The following LANCL1 variants were observed in gnomAD, a reference collection of about 807,000 sequenced individuals.
LANCL1 encodes glutathione S-transferase LANCL1.
LANCL1 carries 50 observed loss-of-function variants against 50.6 expected under a neutral mutation model. The observed-to-expected ratio is 0.99, with a 90% CI of 0.79 to 1.25. The LOEUF (loss-of-function observed/expected upper bound fraction) is 1.25, where lower values mean the gene tolerates loss of function less well. Ranked by LOEUF, LANCL1 falls within the 50% of genes most tolerant of loss-of-function variation. The pLI is 0.00. For synonymous variants in LANCL1, 188 were observed against 178.6 expected, an observed-to-expected ratio of 1.05 and a Z score of -0.42; for missense variants, 532 against 480.7, an observed-to-expected ratio of 1.11 and a Z score of -1.00.
chr2:210,477,498 G>T (rs987176801), upstream of LANCL1: 1 of 1,276,076 alleles, frequency 7.8e-7, no homozygotes, highest in Non-Finnish European at 9.9e-7. Context: ...TTGGAGTTCA[G>T]TTAAAAAGTC....
Position 210,466,151 on chromosome 2 carries a change from T to G in LANCL1, c.199+5808A>C, listed in dbSNP as rs955370861. On this transcript the variant is annotated intron_variant, in intron 3 of 9. Coordinates refer to ENST00000450366, the MANE Select transcript of LANCL1 (RefSeq NM_006055.3). ...AGGGAAATATCTTGCCAGTAGGGAC[T>G]GCCTTTTAAAGTTTTTTCAATAGTG... 3.9e-5 allele frequency among the ~76,000 whole-genome samples: 6 copies of G among 152,174 alleles called. No individual in the cohort carries two copies. In the South Asian group the frequency reaches 1.2e-3, roughly 32 times the overall value.
intron 3 of LANCL1, among the ~76,000 whole-genome samples, chr2:210,458,192 C>T (rs1471430970): frequency 6.6e-6 from 1 of 152,058 alleles, no homozygotes; most frequent in Non-Finnish European, 1.5e-5. Context: ...GTGAAGCTGC[C>T]ACACCAGTCC....
At position 210,431,545 on chromosome 2, in the gene LANCL1, A is replaced by G. The variant is rs1692746269; in HGVS notation, c.*2942T>C. On this transcript the variant is annotated 3_prime_UTR_variant, in exon 10 of 10. Coordinates refer to ENST00000450366, the MANE Select transcript of LANCL1 (RefSeq NM_006055.3). ...CTAGCAGCCAAAGGAGTATACATGT[A>G]AATAGTCACTCTTCACATTTTCTAT... The G allele has an allele frequency of 6.6e-6, 1 of 152,228 alleles. No homozygotes were observed. The highest frequency in any genetic ancestry group is 2.4e-5 in the African/African-American group (1 of 41,460). The allele number at this position is 152,228 out of a possible 1,614,324, so 9.4% of individuals were successfully genotyped here.
At chr2:210,453,031 A>C (rs2105905853) in intron 4 of LANCL1, among the ~76,000 whole-genome samples, 1 of 152,312 alleles carries the variant, frequency 6.6e-6, no homozygotes, top group East Asian at 1.9e-4. Flanking sequence ...AAACTCCGTA[A>C]CTTACAAATC....
Position 210,437,728 on chromosome 2 carries a change from C to T in LANCL1, c.835G>A (p.Ala279Thr), listed in dbSNP as rs149749262. ...RDLLVHWCHGAPGVIYMLIQA... is the reference protein window; with the variant it reads ...RDLLVHWCHGTPGVIYMLIQA... ...ATGAGCATGTAGATTACCCCAGGGGCGCCATGGCACCAATGGACAAGCAGA... is the reference window on the plus strand; with the variant it reads ...ATGAGCATGTAGATTACCCCAGGGGTGCCATGGCACCAATGGACAAGCAGA... Residue 279 changes from alanine (A) to threonine (T), a missense_variant, in exon 7 of 10, where the codon GCC (alanine) becomes ACC (threonine). Transcript: ENST00000450366. 6.8e-4 allele frequency: 1,102 copies of T among 1,609,858 alleles called. No homozygotes were observed. The highest frequency in any genetic ancestry group is 8.8e-4 in the Non-Finnish European group (1,033 of 1,178,142).
chr2:210,453,095 C>G (rs1046950319), intron 4 of LANCL1, among the ~76,000 whole-genome samples: 2 of 152,066 alleles, frequency 1.3e-5, no homozygotes, highest in Non-Finnish European at 2.9e-5. Context: ...TGAAAAAAAT[C>G]AAAGCTATAG....
intron 3 of LANCL1, among the ~76,000 whole-genome samples, chr2:210,461,363 CAAATT>C (rs1011756830): frequency 7.4e-6 from 1 of 135,068 alleles, no homozygotes; most frequent in Non-Finnish European, 1.7e-5. Context: ...GGCCAGGGCT[CAAATT>C]AAACACTGAA....
At chr2:210,446,011 G>A (rs777810130) in intron 4 of LANCL1, among the ~76,000 whole-genome samples, 14 of 152,230 alleles carry the variant, frequency 9.2e-5, no homozygotes, top group Non-Finnish European at 1.6e-4. Flanking sequence ...GCACCTGGGG[G>A]AAGGGGTGGC....
intron 3 of LANCL1, among the ~76,000 whole-genome samples, chr2:210,467,533 T>C (rs528574675): frequency 6.6e-6 from 1 of 152,354 alleles, no homozygotes; most frequent in East Asian, 1.9e-4. Context: ...CATTTTCTTT[T>C]TTCTACCTTA....
Position 210,437,741 on chromosome 2 carries a change from A to G in LANCL1, c.822T>C (p.His274=), listed in dbSNP as rs568536100. 9.3e-6 allele frequency: 15 copies of G among 1,611,732 alleles called. No homozygotes were observed. In the South Asian group the frequency reaches 1.2e-4, roughly 13 times the overall value. Residue 274 remains histidine (H), a synonymous_variant, in exon 7 of 10, where the codon CAT becomes CAC. Transcript: ENST00000450366. ...CIGDNRDLLV[H]WCHGAPGVIY... is the part of the protein sequence containing the mutation. Reference sequence around the variant, plus strand: ...TTACCCCAGGGGCGCCATGGCACCAATGGACAAGCAGATCTCGATTATCAC... The same window carrying G: ...TTACCCCAGGGGCGCCATGGCACCAGTGGACAAGCAGATCTCGATTATCAC...
chr2:210,476,653 C>G lies in LANCL1; in HGVS notation c.-50G>C, dbSNP rs1032158505. ...AGAGGCCCCGTTTTGCAACCCCGTT[C>G]CCACGCCCGCGACTTGAAGCAAGTG... On this transcript the variant is annotated 5_prime_UTR_variant, in exon 1 of 10. Coordinates refer to ENST00000450366, the MANE Select transcript of LANCL1 (RefSeq NM_006055.3). The G allele has an allele frequency of 2.4e-6, 3 of 1,247,360 alleles. No homozygotes were observed. The highest frequency in any genetic ancestry group is 3.1e-5 in the African/African-American group (2 of 64,920). The allele number at this position is 1,247,360 out of a possible 1,614,324, so 77.3% of individuals were successfully genotyped here.
intron 4 of LANCL1, among the ~76,000 whole-genome samples, chr2:210,441,908 ATT>A (rs35332921): frequency 2.0e-3 from 293 of 143,240 alleles, no homozygotes; most frequent in African/African-American, 6.1e-3. Flanking sequence ...ATACATGTAC[ATT>A]TTTTTTTTTT....
At chr2:210,444,759 AT>A (rs1332670287) in intron 4 of LANCL1, among the ~76,000 whole-genome samples, 1 of 151,990 alleles carries the variant, frequency 6.6e-6, no homozygotes, top group African/African-American at 2.4e-5. Context: ...CTTCTAATAC[AT>A]TTTCTTGTAT....
intron 3 of LANCL1, 64 bp downstream of exon 3, chr2:210,471,895 C>A: frequency 8.8e-7 from 1 of 1,134,954 alleles, no homozygotes; most frequent in South Asian, 1.2e-5. Context: ...ACAGACAGCT[C>A]TCGGAAAAAT....
chr2:210,437,971 T>TG (rs1692993333), intron 6 of LANCL1, 99 bp from the exon 7 acceptor site: 1 of 773,924 alleles, frequency 1.3e-6, no homozygotes. Context: ...TAAGGGGAAA[T>TG]GGAAGGTCAT....
chr2:210,440,579 C>T lies in LANCL1; in HGVS notation c.690+19G>A. On this transcript the variant is annotated intron_variant, in intron 6 of 9. Transcript: ENST00000450366. ...GGTCAGGAAGGACATTTTAAAATTT[C>T]ACCATAATCACTCCTTACCTGCATC... 1 of 1,596,256 alleles carries T rather than the reference C, an allele frequency of 6.3e-7. No individual in the cohort carries two copies. The highest frequency in any genetic ancestry group is 1.1e-5 in the South Asian group (1 of 87,710).
intron 2 of LANCL1, among the ~76,000 whole-genome samples, chr2:210,475,409 C>T (rs2105932282): frequency 1.3e-5 from 2 of 152,280 alleles, no homozygotes; most frequent in African/African-American, 4.8e-5. Flanking sequence ...TAGCTCACTA[C>T]AGCCTCGAAT....
chr2:210,459,370 C>T (rs777349016), intron 3 of LANCL1, among the ~76,000 whole-genome samples: 3 of 152,086 alleles, frequency 2.0e-5, no homozygotes, highest in Non-Finnish European at 4.4e-5. Flanking sequence ...AAAATCTACA[C>T]ATCCAGATGT....
At chr2:210,453,239 C>T (rs1330381397) in intron 4 of LANCL1, among the ~76,000 whole-genome samples, 2 of 152,178 alleles carry the variant, frequency 1.3e-5, no homozygotes, top group African/African-American at 4.8e-5. Context: ...TACCAATATA[C>T]CAAAAACAAC....
Sources: allele counts gnomAD v4.1 joint callset (sites outside exome capture counted in the v4.1 genomes callset), GRCh38; gene constraint gnomAD v4.1.1; transcripts MANE v1.5; gene names NCBI Gene and HGNC (gene_info 2026-07-23, HGNC 2026-07-21).